SLC2A13: variants seen among roughly 807,000 people sequenced by gnomAD.
SLC2A13 encodes the protein proton myo-inositol cotransporter.
Under a neutral mutation model 64.4 loss-of-function variants are expected in SLC2A13, and 32 were observed. That is an observed-to-expected ratio of 0.50 (90% CI 0.37 to 0.67). The LOEUF is 0.67. Ranked by LOEUF, SLC2A13 falls within the 30% of genes least tolerant of loss-of-function variation. SLC2A13 has a pLI of 0.00. For missense variants in SLC2A13, 743 were observed against 829.2 expected (o/e 0.90, Z 1.28); for synonymous variants, 338 against 327.1 (o/e 1.03, Z -0.36).
rs1409701948 is a variant in SLC2A13, at chr12:39,954,044, G to A, written c.926-2679C>T. ...CATTTCCAGCTAAGACAGAATAATG[G>A]CTATCAGCTTTCCCTTTCTACATGA... is the stretch of plus-strand genomic sequence containing the variant. On this transcript the variant is annotated intron_variant, in intron 3 of 9. Coordinates refer to ENST00000280871, the MANE Select transcript of SLC2A13 (RefSeq NM_052885.4). Among the ~76,000 whole-genome samples, 3 of 152,150 alleles carry A rather than the reference G, an allele frequency of 2.0e-5. No homozygotes were observed. The East Asian group carries it at 5.8e-4, about 29-fold the overall frequency.
intron 1 of SLC2A13, among the ~76,000 whole-genome samples, chr12:40,089,353 C>T (rs1459308085): frequency 6.6e-6 from 1 of 152,164 alleles, no homozygotes; most frequent in Non-Finnish European, 1.5e-5. Context: ...CCAACATCTA[C>T]TGAACTCTCA....
chr12:39,962,044 A>G (rs1277344572), intron 3 of SLC2A13, among the ~76,000 whole-genome samples: 1 of 152,222 alleles, frequency 6.6e-6, no homozygotes, highest in African/African-American at 2.4e-5. Context: ...TTCTCCCTCT[A>G]TGGAGATGAG....
At chr12:40,047,199 G>C (rs1948184653) in intron 2 of SLC2A13, among the ~76,000 whole-genome samples, 1 of 152,128 alleles carries the variant, frequency 6.6e-6, no homozygotes, top group African/African-American at 2.4e-5. Context: ...ACCACACCCA[G>C]TCCACACCCT....
chr12:39,867,594 A>C (rs1209334835), intron 5 of SLC2A13, among the ~76,000 whole-genome samples: 1 of 152,226 alleles, frequency 6.6e-6, no homozygotes, highest in Non-Finnish European at 1.5e-5. Context: ...TTAAGGTCCA[A>C]CCAACCTAAA....
chr12:39,777,548 G>T (rs1489584760), intron 7 of SLC2A13, among the ~76,000 whole-genome samples: 1 of 152,106 alleles, frequency 6.6e-6, no homozygotes, highest in Non-Finnish European at 1.5e-5. Flanking sequence ...AGGCATTTTT[G>T]TTTTCCTGCA....
chr12:39,971,997 A>ATATATATATATATATATATATATAT (rs1555144633), intron 3 of SLC2A13, among the ~76,000 whole-genome samples: 2 of 77,376 alleles, frequency 2.6e-5, no homozygotes, highest in Non-Finnish European at 5.0e-5. Flanking sequence ...AAAAAAAAAA[A>ATATATATATATATATATATATATAT]ATATATATAT....
chr12:39,944,607 T>C (rs6581445), intron 4 of SLC2A13, among the ~76,000 whole-genome samples: 147,369 of 152,342 alleles, frequency 0.97, 71,461 homozygotes, highest in Middle Eastern at 1. Flanking sequence ...CCCTCTTTGT[T>C]TCTTTGAACT....
chr12:39,832,761 T>C (rs572407535), intron 6 of SLC2A13, among the ~76,000 whole-genome samples: 2 of 152,212 alleles, frequency 1.3e-5, no homozygotes, highest in African/African-American at 2.4e-5. Flanking sequence ...CCACTTCCCA[T>C]CATTTCAATA....
At chr12:40,030,305 G>A (rs1342906757) in intron 2 of SLC2A13, among the ~76,000 whole-genome samples, 1 of 152,000 alleles carries the variant, frequency 6.6e-6, no homozygotes, top group Non-Finnish European at 1.5e-5. Context: ...ATGTACTTCT[G>A]GCCTCTTCCC....
chr12:39,843,626 GT>G (rs1317033118), intron 6 of SLC2A13, among the ~76,000 whole-genome samples: 1 of 152,018 alleles, frequency 6.6e-6, no homozygotes, highest in African/African-American at 2.4e-5. Context: ...AATAATAGTT[GT>G]AGGCCAAAGC....
chr12:39,956,773 T>C (rs1284746438), intron 3 of SLC2A13, among the ~76,000 whole-genome samples: 4 of 152,180 alleles, frequency 2.6e-5, no homozygotes, highest in Non-Finnish European at 4.4e-5. Flanking sequence ...ATTTATGAGT[T>C]TTACCTTGTA....
At chr12:39,984,962 T>G (rs955114122) in intron 3 of SLC2A13, among the ~76,000 whole-genome samples, 14 of 152,084 alleles carry the variant, frequency 9.2e-5, no homozygotes, top group African/African-American at 3.4e-4. Flanking sequence ...CTGACAATGA[T>G]TTTTATGCCC....
intron 1 of SLC2A13, among the ~76,000 whole-genome samples, chr12:40,065,901 A>G (rs535572585): frequency 6.6e-6 from 1 of 152,324 alleles, no homozygotes; most frequent in South Asian, 2.1e-4. Context: ...CAGCTATAAC[A>G]TCACAAGTGT....
chr12:40,091,019 G>A lies in SLC2A13; in HGVS notation c.556+14234C>T, dbSNP rs76568504. Among the ~76,000 whole-genome samples, 1,366 of 152,072 alleles carry A rather than the reference G, an allele frequency of 9.0e-3. 17 individuals are homozygous for A. Among genetic ancestry groups the A allele is most frequent in the African/African-American group, 0.031 (1,300 of 41,484 alleles). On this transcript the variant is annotated intron_variant, in intron 1 of 9. Transcript: ENST00000280871. The stretch of plus-strand genomic sequence containing the variant: ...GTCCTTACACAAACCTAAATGGTAC[G>A]GCCCACTACATACCTAAGCTATATG...
At chr12:39,826,545 C>G (rs184980190) in intron 7 of SLC2A13, among the ~76,000 whole-genome samples, 1 of 149,364 alleles carries the variant, frequency 6.7e-6, no homozygotes, top group East Asian at 2.0e-4. Flanking sequence ...TACTCTTATA[C>G]TTGTAACATC....
At chr12:39,818,880 C>G (rs1050047656) in intron 7 of SLC2A13, among the ~76,000 whole-genome samples, 2 of 151,968 alleles carry the variant, frequency 1.3e-5, no homozygotes, top group Non-Finnish European at 2.9e-5. Context: ...TGATCTGGCC[C>G]TTTCCTTCCC....
At chr12:39,856,407 T>A (rs1030213927) in intron 6 of SLC2A13, among the ~76,000 whole-genome samples, 1 of 152,212 alleles carries the variant, frequency 6.6e-6, no homozygotes, top group Non-Finnish European at 1.5e-5. Flanking sequence ...TCTCACTCTG[T>A]CGCCAGGCTG....
intron 1 of SLC2A13, among the ~76,000 whole-genome samples, chr12:40,053,889 T>C (rs1012217277): frequency 2.6e-5 from 4 of 152,148 alleles, no homozygotes; most frequent in African/African-American, 9.7e-5. Flanking sequence ...AACATGGAGC[T>C]CACTTGTGGA....
intron 3 of SLC2A13, among the ~76,000 whole-genome samples, chr12:40,018,399 A>C (rs1033229914): frequency 2.0e-5 from 3 of 152,198 alleles, no homozygotes; most frequent in African/African-American, 7.2e-5. Context: ...ACAGCCTCCA[A>C]ATGCTTATAT....
Sources: gnomAD v4.1 joint callset for allele counts (sites outside exome capture counted in the v4.1 genomes callset) on GRCh38, gnomAD v4.1.1 for gene constraint, MANE v1.5 for transcripts, NCBI Gene and HGNC (gene_info 2026-07-23, HGNC 2026-07-21) for gene names.